MEGF10: variants seen among roughly 807,000 people sequenced by gnomAD.
The protein encoded by MEGF10 is multiple epidermal growth factor-like domains protein 10.
A neutral mutation model predicts 147.5 loss-of-function variants in MEGF10; 86 were observed. The ratio of observed to expected loss-of-function variants is 0.58; its 90% CI spans 0.49 to 0.70. The LOEUF is 0.70. MEGF10 is among the 30% of genes least tolerant of loss of function. MEGF10 has a pLI of 0.00. For synonymous variants in MEGF10, 478 were observed against 525.5 expected (o/e 0.91, Z 1.24); for missense variants, 1,329 against 1,487.3 (o/e 0.89, Z 1.75).
chr5:127,262,719 G>A, the MEGF10 span, among the ~76,000 whole-genome samples: 1 of 152,132 alleles, frequency 6.6e-6, no homozygotes, highest in Admixed American at 6.5e-5. Context: ...CTAGTCCAGA[G>A]AATTCTAAAA....
At chr5:127,434,120 A>G (rs1265514115) in intron 14 of MEGF10, among the ~76,000 whole-genome samples, 12 of 152,206 alleles carry the variant, frequency 7.9e-5, no homozygotes, top group Non-Finnish European at 1.6e-4. Context: ...CCCCATAAGA[A>G]TTCTATGCAG....
At chr5:127,254,812 A>C in the MEGF10 span, among the ~76,000 whole-genome samples, 2,463 of 150,900 alleles carry the variant, frequency 0.016, 63 homozygotes, top group East Asian at 0.086. Context: ...CTCCATCTGA[A>C]AAAAAAAAAA....
chr5:127,412,747 CT>C (rs1222943851), intron 9 of MEGF10, among the ~76,000 whole-genome samples: 2 of 152,168 alleles, frequency 1.3e-5, no homozygotes, highest in East Asian at 3.8e-4. Flanking sequence ...CAATTATTTA[CT>C]AACTGATGAT....
rs192187586 is a variant in MEGF10, at chr5:127,416,088, C to T, written c.1131-1550C>T. Among the ~76,000 whole-genome samples, 34 of 151,610 alleles carry T rather than the reference C, an allele frequency of 2.2e-4. No individual in the cohort carries two copies. The East Asian group carries it at 2.4e-3, about 11-fold the overall frequency. On this transcript the variant is annotated intron_variant, in intron 9 of 24. Coordinates refer to ENST00000503335, the MANE Select transcript of MEGF10 (RefSeq NM_001256545.2). ...CTGTCCCCAGGCTGGAGTGCAGTGG[C>T]GTGATCTTGGCTCACTGCAAGCTCC...
At chr5:127,422,048 T>G (rs1436310806) in intron 12 of MEGF10, among the ~76,000 whole-genome samples, 1 of 150,298 alleles carries the variant, frequency 6.7e-6, no homozygotes, top group Non-Finnish European at 1.5e-5. Flanking sequence ...AATTATAGTT[T>G]TAAAACTATA....
the MEGF10 span, among the ~76,000 whole-genome samples, chr5:127,269,616 A>T: frequency 5.9e-5 from 9 of 152,234 alleles, no homozygotes; most frequent in Admixed American, 5.9e-4. Flanking sequence ...TGTCTGATTG[A>T]TGTACCTGAA....
At chr5:127,398,590 C>T in intron 6 of MEGF10, 86 bp from the exon 7 acceptor site, 1 of 1,491,514 alleles carries the variant, frequency 6.7e-7, no homozygotes, top group Non-Finnish European at 9.2e-7. Context: ...GAAAGCTTGT[C>T]TATTTTGGGG....
rs191003755 is a variant in MEGF10, at chr5:127,309,058, A to C, written c.-19+18002A>C. ...AGAGACCAGGCTGACACAGGATCAC[A>C]CTGTTGTTATTATGTTTTGCCTCCT... On this transcript the variant is annotated intron_variant, in intron 1 of 24. Transcript: ENST00000503335. Among the ~76,000 whole-genome samples the C allele has an allele frequency of 5.3e-5, 8 of 152,248 alleles. No individual in the cohort carries two copies. The East Asian group carries it at 1.4e-3, about 26-fold the overall frequency.
chr5:127,430,869 G>A (rs1287683043), intron 13 of MEGF10, among the ~76,000 whole-genome samples: 1 of 152,070 alleles, frequency 6.6e-6, no homozygotes, highest in African/African-American at 2.4e-5. Flanking sequence ...TAAATAAAAG[G>A]GCTTGAATTT....
At chr5:127,398,929 G>C in intron 7 of MEGF10, 133 bp downstream of exon 7, 1 of 1,234,338 alleles carries the variant, frequency 8.1e-7, no homozygotes, top group Non-Finnish European at 1.1e-6. Context: ...AAATTGGAAA[G>C]ACTCAAGCCA....
At chr5:127,274,650 G>A in the MEGF10 span, among the ~76,000 whole-genome samples, 129 of 151,816 alleles carry the variant, frequency 8.5e-4, no homozygotes, top group Non-Finnish European at 1.5e-3. Flanking sequence ...TTTGCCTTTG[G>A]TGTCACACTT....
intron 1 of MEGF10, among the ~76,000 whole-genome samples, chr5:127,325,546 C>T (rs532838451): frequency 2.8e-4 from 42 of 152,174 alleles, no homozygotes; most frequent in South Asian, 2.1e-4. Context: ...GGTAGGGCCA[C>T]GTCTCTGTTC....
chr5:127,352,716 T>C (rs964856393), intron 4 of MEGF10, among the ~76,000 whole-genome samples: 1 of 152,166 alleles, frequency 6.6e-6, no homozygotes, highest in Non-Finnish European at 1.5e-5. Context: ...ATTTTGGCTT[T>C]AGGGCCAGGA....
chr5:127,308,534 TA>T (rs1580691903), intron 1 of MEGF10, among the ~76,000 whole-genome samples: 1 of 152,118 alleles, frequency 6.6e-6, no homozygotes, highest in Non-Finnish European at 1.5e-5. Flanking sequence ...TATGCAGCCA[TA>T]AAAAATGATG....
chr5:127,323,781 A>G (rs1760891001), intron 1 of MEGF10, among the ~76,000 whole-genome samples: 1 of 152,176 alleles, frequency 6.6e-6, no homozygotes, highest in Non-Finnish European at 1.5e-5. Context: ...TATAATAAGT[A>G]TGTTAGCAAG....
chr5:127,438,231 G>T lies in MEGF10; in HGVS notation c.2105-208G>T, dbSNP rs531513673. ...GCCACCTCACTCTGCAGTTGTAAAT[G>T]AATACATATGTCAATAATGACAGTC... On this transcript the variant is annotated intron_variant, in intron 16 of 24. Transcript: ENST00000503335. 5.3e-5 allele frequency among the ~76,000 whole-genome samples: 8 copies of T among 152,308 alleles called. No individual in the cohort carries two copies. In the South Asian group the frequency reaches 1.2e-3, roughly 24 times the overall value.
At chr5:127,273,827 G>A in the MEGF10 span, among the ~76,000 whole-genome samples, 1 of 152,180 alleles carries the variant, frequency 6.6e-6, no homozygotes, top group African/African-American at 2.4e-5. Flanking sequence ...TGTACAGGCA[G>A]CATATAGGTA....
At chr5:127,253,314 A>C in the MEGF10 span, among the ~76,000 whole-genome samples, 3 of 151,972 alleles carry the variant, frequency 2.0e-5, no homozygotes, top group Non-Finnish European at 2.9e-5. Flanking sequence ...TAGATATGAA[A>C]GAAATAGATA....
At chr5:127,352,427 C>T (rs193295342) in intron 4 of MEGF10, among the ~76,000 whole-genome samples, 2 of 152,170 alleles carry the variant, frequency 1.3e-5, no homozygotes, top group Admixed American at 6.5e-5. Context: ...TTTGGGAGGC[C>T]GAGGCAGGCA....
Sources: allele counts gnomAD v4.1 joint callset (sites outside exome capture counted in the v4.1 genomes callset), GRCh38; gene constraint gnomAD v4.1.1; transcripts MANE v1.5; gene names NCBI Gene and HGNC (gene_info 2026-07-23, HGNC 2026-07-21).